Variants in DICER1 observed in about 807,000 individuals in gnomAD.
DICER1 encodes the protein endoribonuclease Dicer.
DICER1 carries 43 observed loss-of-function variants against 194.1 expected under a neutral mutation model. The observed-to-expected ratio is 0.22, with a 90% CI of 0.17 to 0.29. DICER1 has a LOEUF of 0.29. DICER1 is among the 10% of genes least tolerant of loss of function. DICER1 has a pLI of 1.00. For missense variants in DICER1, 1,608 were observed against 2,317.0 expected (o/e 0.69, Z 6.28); for synonymous variants, 832 against 820.5 (o/e 1.01, Z -0.24).
At chr14:95,122,087 G>T (rs770922249) in intron 8 of DICER1, among the ~76,000 whole-genome samples, 1 of 152,114 alleles carries the variant, frequency 6.6e-6, no homozygotes. Context: ...TTAATTAGCT[G>T]CTCATAAAGT....
At chr14:95,118,611 CG>C (rs1236809724) in intron 8 of DICER1, among the ~76,000 whole-genome samples, 12 of 152,124 alleles carry the variant, frequency 7.9e-5, no homozygotes, top group Non-Finnish European at 1.3e-4. Context: ...TCACATTACA[CG>C]GGTGCAGAAG....
chr14:95,123,251 G>A (rs1309029588), intron 8 of DICER1, among the ~76,000 whole-genome samples: 1 of 152,146 alleles, frequency 6.6e-6, no homozygotes, highest in Non-Finnish European at 1.5e-5. Flanking sequence ...TCATTGAAGG[G>A]AGAAAGAGTA....
intron 1 of DICER1, among the ~76,000 whole-genome samples, chr14:95,150,790 A>G (rs1037474125): frequency 6.6e-6 from 1 of 152,260 alleles, no homozygotes; most frequent in Non-Finnish European, 1.5e-5. Flanking sequence ...AGCTAAGATC[A>G]CCAGTATTAG....
intron 24 of DICER1, 21 bp from the exon 25 acceptor site, chr14:95,091,386 A>T (rs777180964): frequency 6.2e-7 from 1 of 1,613,702 alleles, no homozygotes; most frequent in South Asian, 1.1e-5. Flanking sequence ...GGGAAAAGTG[A>T]CTTGTAAGCA....
At position 95,124,561 on chromosome 14, in the gene DICER1, T is replaced by G. The variant is rs1383771176; in HGVS notation, c.1011A>C (p.Gln337His). 2.5e-6 allele frequency: 4 copies of G among 1,613,908 alleles called. No individual in the cohort carries two copies. The South Asian group carries it at 4.4e-5, about 18-fold the overall frequency. ...ATAAAAATTTCCTGTGCAGCTCCTCTTGCTCATGTTTGATGTATTTCTGTA... is the reference window on the plus strand; with the variant it reads ...ATAAAAATTTCCTGTGCAGCTCCTCGTGCTCATGTTTGATGTATTTCTGTA... ...RELQKYIKHE[Q>H]EELHRKFLLF... Residue 337 changes from glutamine (Q) to histidine (H), a missense_variant, in exon 8 of 27, where the codon CAA becomes CAC. Around this residue, in one of 10 missense-constraint regions of DICER1, gnomAD observed 657 missense variants for 910.1 expected, o/e 0.72. Coordinates refer to ENST00000343455, the MANE Select transcript of DICER1 (RefSeq NM_177438.3). This position sits in a 1 kb window ranked among gnomAD's most constrained non-coding sequence, Gnocchi z 4.5.
intron 14 of DICER1, among the ~76,000 whole-genome samples, chr14:95,110,625 G>A (rs1272881004): frequency 1.3e-5 from 2 of 152,114 alleles, no homozygotes; most frequent in Non-Finnish European, 2.9e-5. Flanking sequence ...ACCCTCCAAG[G>A]GTAAGCGGGA....
At chr14:95,107,278 G>A (rs1359184263) in intron 17 of DICER1, among the ~76,000 whole-genome samples, 1 of 148,524 alleles carries the variant, frequency 6.7e-6, no homozygotes, top group Non-Finnish European at 1.5e-5. Context: ...TTGAGACAGA[G>A]TCTTGGTGTG....
intron 8 of DICER1, among the ~76,000 whole-genome samples, chr14:95,121,984 C>T (rs1479314470): frequency 6.6e-6 from 1 of 151,942 alleles, no homozygotes; most frequent in East Asian, 1.9e-4. Flanking sequence ...GGTTTTTCCT[C>T]CCATTAAACT....
chr14:95,104,448 C>T (rs74079038), intron 20 of DICER1, among the ~76,000 whole-genome samples: 4,471 of 152,246 alleles, frequency 0.029, 216 homozygotes, highest in African/African-American at 0.1. Flanking sequence ...CTGAGTAACT[C>T]TGGGCAACTT....
intron 20 of DICER1, 114 bp from the exon 21 acceptor site, chr14:95,104,240 C>G: frequency 1.1e-6 from 1 of 876,724 alleles, no homozygotes; most frequent in East Asian, 2.6e-5. Flanking sequence ...TACTCCTAAA[C>G]TTTAGAATAG....
intron 17 of DICER1, 158 bp from the exon 18 acceptor site, chr14:95,106,381 G>T: frequency 1.5e-6 from 1 of 646,100 alleles, no homozygotes; most frequent in Non-Finnish European, 2.7e-6. Flanking sequence ...TTTCAAGTAT[G>T]TAAGAACTGT....
At chr14:95,150,993 T>G (rs1323885059) in intron 1 of DICER1, among the ~76,000 whole-genome samples, 1 of 152,196 alleles carries the variant, frequency 6.6e-6, no homozygotes, top group African/African-American at 2.4e-5. Flanking sequence ...CCTCCTAAAG[T>G]GCTGAGATTA....
rs2140079345 is a variant in DICER1 at position 95,112,290 on chromosome 14, G to A, written c.2041-43C>T. 3.3e-6 allele frequency: 5 copies of A among 1,494,956 alleles called. No homozygotes were observed. The highest frequency in any genetic ancestry group is 4.7e-6 in the Non-Finnish European group (5 of 1,071,662). 92.6% of individuals were successfully genotyped at this position (1,494,956 alleles called of 1,614,324 possible). A position where few individuals can be genotyped will look rare whatever the true frequency, so the allele number is the denominator to read the frequency against. On this transcript the variant is annotated intron_variant, in intron 12 of 26. Transcript: ENST00000343455. ...CTTTCCATTATATATGCACATCGCT[G>A]TATTACCTCTAGCACATGAAACACC... is the stretch of plus-strand genomic sequence containing the variant.
rs761017287 is a variant in DICER1, at chr14:95,124,708, T to A, written c.904-40A>T. The A allele has an allele frequency of 6.7e-7, 1 of 1,486,462 alleles. No individual in the cohort carries two copies. 92.1% of individuals were successfully genotyped at this position (1,486,462 alleles called of 1,614,324 possible). On this transcript the variant is annotated intron_variant, in intron 7 of 26. Transcript: ENST00000343455. The surrounding 1 kb of genome is among the most constrained non-coding windows in gnomAD (Gnocchi z 4.5). ...AAAGAAAAAACCTAATGCCAAATAA[T>A]AATAATGTAGCATTTTCATGTGGGG...
intron 1 of DICER1, among the ~76,000 whole-genome samples, chr14:95,142,091 C>T (rs1337806933): frequency 6.6e-6 from 1 of 151,896 alleles, no homozygotes; most frequent in Non-Finnish European, 1.5e-5. Context: ...TATGTCAGTG[C>T]TTATGTTTTC....
At chr14:95,092,880 C>T (rs1460609864) in intron 24 of DICER1, among the ~76,000 whole-genome samples, 1 of 152,212 alleles carries the variant, frequency 6.6e-6, no homozygotes, top group Non-Finnish European at 1.5e-5. Context: ...CTGGTCCCGC[C>T]TTCTCGCCTC....
Position 95,139,683 on chromosome 14 carries a change from T to C in DICER1, c.-45-6180A>G, listed in dbSNP as rs186078592. On this transcript the variant is annotated intron_variant, in intron 1 of 26. Transcript: ENST00000343455. ...ACTCATGAATGTCCACACAATAATA[T>C]ACAGAACAGAATCATGGATGGATCA... Among the ~76,000 whole-genome samples, 599 of 152,294 alleles carry C rather than the reference T, an allele frequency of 3.9e-3. 2 individuals carry two copies. The highest frequency in any genetic ancestry group is 0.013 in the African/African-American group (559 of 41,578).
intron 13 of DICER1, 52 bp downstream of exon 13, chr14:95,112,120 T>A (rs1006876169): frequency 3.3e-6 from 5 of 1,504,558 alleles, no homozygotes; most frequent in South Asian, 1.1e-5. Context: ...GCTTTTTTTT[T>A]ACAATGGTTG....
intron 22 of DICER1, among the ~76,000 whole-genome samples, 172 bp downstream of exon 22, chr14:95,099,608 G>C (rs1287177358): frequency 1.3e-5 from 2 of 152,050 alleles, no homozygotes; most frequent in Non-Finnish European, 2.9e-5. Flanking sequence ...TGAAAAGACA[G>C]TGTAATTAAA....
Sources: gnomAD v4.1 joint callset for allele counts (sites outside exome capture counted in the v4.1 genomes callset) on GRCh38, gnomAD v4.1.1 for gene constraint, gnomAD v4.1.1 regional missense constraint, Gnocchi (gnomAD v3.1) non-coding constraint, MANE v1.5 for transcripts, NCBI Gene and HGNC (gene_info 2026-07-23, HGNC 2026-07-21) for gene names.